STRADA: variants seen among roughly 807,000 people sequenced by gnomAD.
The protein encoded by STRADA is STE20-related kinase adapter protein alpha.
STRADA carries 26 observed loss-of-function variants against 55.0 expected under a neutral mutation model. The observed-to-expected ratio is 0.47, with a 90% CI of 0.35 to 0.66. STRADA has a LOEUF of 0.66. STRADA is among the 30% of genes least tolerant of loss of function. The pLI is 0.01. For synonymous variants in STRADA, 197 were observed against 210.9 expected (o/e 0.93, Z 0.57); for missense variants, 443 against 549.7 (o/e 0.81, Z 1.94).
At chr17:63,709,042 C>T (rs1442503432) in intron 8 of STRADA, among the ~76,000 whole-genome samples, 1 of 152,204 alleles carries the variant, frequency 6.6e-6, no homozygotes, top group Non-Finnish European at 1.5e-5. Flanking sequence ...AGAGATCTAA[C>T]ACTTTTACTC....
At chr17:63,706,320 A>G in intron 10 of STRADA, 1 of 222,182 alleles carries the variant, frequency 4.5e-6, no homozygotes, top group East Asian at 9.6e-5. Flanking sequence ...AGGAGGACAG[A>G]ACATATTTTA....
intron 1 of STRADA, among the ~76,000 whole-genome samples, chr17:63,736,638 AAAT>A (rs2038446339): frequency 6.6e-6 from 1 of 151,540 alleles, no homozygotes. Context: ...AAGAAAAAAA[AAAT>A]AATAATAAAG....
At chr17:63,731,445 T>C (rs1222130103) in intron 1 of STRADA, among the ~76,000 whole-genome samples, 1 of 151,514 alleles carries the variant, frequency 6.6e-6, no homozygotes, top group Non-Finnish European at 1.5e-5. Context: ...TGTATTTTTT[T>C]AGTAGAGGCG....
At chr17:63,717,310 T>C (rs1286528071) in intron 4 of STRADA, among the ~76,000 whole-genome samples, 1 of 152,194 alleles carries the variant, frequency 6.6e-6, no homozygotes, top group Non-Finnish European at 1.5e-5. Flanking sequence ...TTATTTTATT[T>C]TATTTATTTA....
rs1364857362 is a variant in STRADA, at chr17:63,704,279, G to T, written c.1100+62C>A. Reference sequence around the variant, plus strand: ...TGGGAGGTAAGTCCCTTCACACCCTGGCCTTACCCTCCTGAGCACCCTCTG... The same window carrying T: ...TGGGAGGTAAGTCCCTTCACACCCTTGCCTTACCCTCCTGAGCACCCTCTG... On this transcript the variant is annotated intron_variant, in intron 11 of 12. Transcript: ENST00000336174. The T allele has an allele frequency of 2.5e-6, 4 of 1,597,840 alleles. No individual in the cohort carries two copies. The African/African-American group carries it at 5.4e-5, about 21-fold the overall frequency.
In STRADA at chr17:63,710,609, C is replaced by T; in HGVS notation, c.463G>A (p.Ala155Thr). The T allele has an allele frequency of 6.2e-7, 1 of 1,614,036 alleles. No individual in the cohort carries two copies. The highest frequency in any genetic ancestry group is 8.5e-7 in the Non-Finnish European group (1 of 1,179,952). Residue 155 changes from alanine to threonine, a missense_variant, in exon 8 of 13, where the codon GCA becomes ACA. Coordinates refer to ENST00000336174, the MANE Select transcript of STRADA (RefSeq NM_001003787.4). ...AAGTGTGTACAGATGAGATCTTTTG[C>T]AGAACCTGCAGAAAAGGATTGCATG... ...VVTSFMAYGS[A>T]KDLICTHFMD... is the part of the protein sequence containing the mutation.
chr17:63,735,782 A>T lies in STRADA; in HGVS notation c.-45+5959T>A, dbSNP rs184725801. On this transcript the variant is annotated intron_variant, in intron 1 of 12. Coordinates refer to ENST00000336174, the MANE Select transcript of STRADA (RefSeq NM_001003787.4). ...GAGAGTATAGTAGAGGAGACGGCAG[A>T]TATGCCCAGCAGACAATCCTAAGGG... Among the ~76,000 whole-genome samples the T allele has an allele frequency of 2.0e-5, 3 of 152,322 alleles. No individual in the cohort carries two copies. In the East Asian group the frequency reaches 5.8e-4, roughly 29 times the overall value.
At chr17:63,725,026 G>C (rs1000703126) in intron 3 of STRADA, among the ~76,000 whole-genome samples, 1 of 151,922 alleles carries the variant, frequency 6.6e-6, no homozygotes, top group Non-Finnish European at 1.5e-5. Context: ...CTTGTGATCC[G>C]CCCGCCTGGG....
chr17:63,710,251 C>G, intron 8 of STRADA: 1 of 457,328 alleles, frequency 2.2e-6, no homozygotes, highest in African/African-American at 2.0e-5. Flanking sequence ...GTTGGCCAGG[C>G]TGGTCTCAAA....
At chr17:63,704,840 A>C (rs1456652219) in intron 10 of STRADA, 7 of 1,535,688 alleles carry the variant, frequency 4.6e-6, no homozygotes, top group Non-Finnish European at 6.1e-6. Context: ...CATGGCTGGA[A>C]AGCAGGGCTC....
chr17:63,714,583 G>A, intron 4 of STRADA: 1 of 217,716 alleles, frequency 4.6e-6, no homozygotes, highest in Non-Finnish European at 9.3e-6. Context: ...ATGTGGCCAG[G>A]AGTAGCCCCC....
At chr17:63,735,691 T>G (rs1286538273) in intron 1 of STRADA, among the ~76,000 whole-genome samples, 1 of 152,158 alleles carries the variant, frequency 6.6e-6, no homozygotes, top group Non-Finnish European at 1.5e-5. Context: ...TTCTAGGAGT[T>G]GAAAAGTGGA....
intron 1 of STRADA, among the ~76,000 whole-genome samples, chr17:63,738,312 G>T (rs1319207851): frequency 7.2e-6 from 1 of 139,432 alleles, no homozygotes; most frequent in Non-Finnish European, 1.5e-5. Flanking sequence ...CTGCACTCCA[G>T]CCTGGGCGAC....
Position 63,704,591 on chromosome 17 carries a change from G to A in STRADA, c.859-9C>T. On this transcript the variant is annotated splice_polypyrimidine_tract_variant and intron_variant, in intron 10 of 12. Transcript: ENST00000336174. ...AGTTTCTCTAGCAGCATCTGGGGAG[G>A]ACAGAACCAGGACCTGGGCTGTAGC... 4.6e-6 allele frequency: 6 copies of A among 1,295,912 alleles called. No homozygotes were observed. Among genetic ancestry groups the A allele is most frequent in the Non-Finnish European group, 6.0e-6 (6 of 993,956 alleles). 80.3% of individuals were successfully genotyped at this position (1,295,912 alleles called of 1,614,324 possible). A position where few individuals can be genotyped will look rare whatever the true frequency, so the allele number is the denominator to read the frequency against.
At chr17:63,741,899 G>C (rs1262356851), upstream of STRADA, 2 of 152,290 alleles carry the variant, frequency 1.3e-5, no homozygotes, top group Non-Finnish European at 2.9e-5. Flanking sequence ...GCCCCACCCC[G>C]CCCTGCGGGG....
intron 9 of STRADA, 71 bp from the exon 10 acceptor site, chr17:63,706,810 G>A (rs943228640): frequency 8.2e-7 from 1 of 1,223,022 alleles, no homozygotes; most frequent in African/African-American, 1.5e-5. Context: ...TAGAACTAAA[G>A]AGAGGAAAAG....
intron 1 of STRADA, 111 bp from the exon 2 acceptor site, chr17:63,728,524 C>T: frequency 1.8e-6 from 1 of 550,372 alleles, no homozygotes; most frequent in South Asian, 2.6e-5. Context: ...CTGGACTTCA[C>T]CTATAAATTG....
rs375396155 is a variant in STRADA, at chr17:63,714,092, G to C, written c.140C>G (p.Ser47Ter). Residue 47 changes from serine (S) to a stop codon, truncating the protein, a stop_gained, in exon 5 of 13, where the codon TCA (serine) becomes TGA (stop). Transcript: ENST00000336174. LOFTEE classifies it high-confidence loss of function. ...DTRRKTNDASSESIASFSKQE... is the reference protein window; with the variant it reads ...DTRRKTNDAS ...TTTAGAGAAGGATGCTATTGACTCT[G>C]AGCTCGCATCATTGGTCTAAAAAAG... 182 of 1,613,120 alleles carry C rather than the reference G, an allele frequency of 1.1e-4. No homozygotes were observed. Among genetic ancestry groups the C allele is most frequent in the Non-Finnish European group, 1.5e-4 (177 of 1,179,508 alleles).
At chr17:63,707,770 GCA>G (rs1382496216) in intron 8 of STRADA, among the ~76,000 whole-genome samples, 1 of 150,068 alleles carries the variant, frequency 6.7e-6, no homozygotes, top group Non-Finnish European at 1.5e-5. Context: ...TTGCTCTGTC[GCA>G]CAGACTGGAG....
Sources: allele counts gnomAD v4.1 joint callset (sites outside exome capture counted in the v4.1 genomes callset), GRCh38; gene constraint gnomAD v4.1.1; transcripts MANE v1.5; gene names NCBI Gene and HGNC (gene_info 2026-07-23, HGNC 2026-07-21).